The following INO80 variants were observed in gnomAD, a reference collection of about 807,000 sequenced individuals.
INO80 encodes INO80 complex ATPase subunit.
Under a neutral mutation model 203.4 loss-of-function variants are expected in INO80, and 20 were observed. The observed-to-expected ratio is 0.10, with a 90% CI of 0.07 to 0.14. The LOEUF (loss-of-function observed/expected upper bound fraction) is 0.14, where lower values mean the gene tolerates loss of function less well. Among genes scored for constraint, INO80 ranks in the 10% least tolerant of loss-of-function variants. The pLI is 1.00. For synonymous variants in INO80, 726 were observed against 685.2 expected, an observed-to-expected ratio of 1.06 and a Z score of -0.93; for missense variants, 1,419 against 1,914.4, an observed-to-expected ratio of 0.74 and a Z score of 4.83.
chr15:41,020,046 C>G (rs1184148221), intron 26 of INO80, among the ~76,000 whole-genome samples: 1 of 152,048 alleles, frequency 6.6e-6, no homozygotes. Flanking sequence ...ATAGTGAAAC[C>G]CCATGTCTAC....
chr15:41,101,694 C>G (rs950998763), intron 1 of INO80, among the ~76,000 whole-genome samples: 2 of 151,016 alleles, frequency 1.3e-5, no homozygotes, highest in Non-Finnish European at 3.0e-5. Context: ...GGACTGCAGG[C>G]GCCCGCCACA....
Position 41,071,965 on chromosome 15 carries a change from G to A in INO80, c.1489C>T (p.Leu497=), listed in dbSNP as rs761673682. The A allele has an allele frequency of 6.2e-7, 1 of 1,613,780 alleles. No homozygotes were observed. Among genetic ancestry groups the A allele is most frequent in the African/African-American group, 1.3e-5 (1 of 74,952 alleles). ...SGTGFGESYS[L]ANPSIRAGED... Reference sequence around the variant, plus strand: ...CCAGCCCGGATAGATGGGTTAGCCAGGCTATAACTCTCCCCAAACCCAGTG... The same window carrying A: ...CCAGCCCGGATAGATGGGTTAGCCAAGCTATAACTCTCCCCAAACCCAGTG... Residue 497 remains leucine (L), a synonymous_variant, in exon 12 of 36, where the codon CTG becomes TTG. Coordinates refer to ENST00000648947, the MANE Select transcript of INO80 (RefSeq NM_017553.3).
intron 1 of INO80, among the ~76,000 whole-genome samples, chr15:41,100,143 C>T (rs927494910): frequency 1.3e-5 from 2 of 151,968 alleles, no homozygotes; most frequent in Non-Finnish European, 2.9e-5. Context: ...GGCCCAATCT[C>T]GGCTCACTGC....
chr15:41,114,230 A>G (rs1361082287), intron 1 of INO80, among the ~76,000 whole-genome samples: 2 of 151,364 alleles, frequency 1.3e-5, no homozygotes, highest in African/African-American at 4.9e-5. Context: ...TCACGCCACT[A>G]TACTCCAGCC....
rs144410122 is a variant in INO80, at chr15:41,057,694, G to A, written c.1985+945C>T. ...CACTTGTAATCCCAGCTACTCGGGA[G>A]GCTGAGGCAGGAGAATTGCTTGAAT... is the stretch of plus-strand genomic sequence containing the variant. On this transcript the variant is annotated intron_variant, in intron 16 of 35. Transcript: ENST00000648947. Among the ~76,000 whole-genome samples, 746 of 151,048 alleles carry A rather than the reference G, an allele frequency of 4.9e-3. 35 individuals carry two copies. In the East Asian group the frequency reaches 0.096, roughly 19 times the overall value.
At chr15:41,109,706 T>C (rs2045932204) in intron 1 of INO80, among the ~76,000 whole-genome samples, 1 of 150,998 alleles carries the variant, frequency 6.6e-6, no homozygotes. Context: ...CCGAGGCAGA[T>C]GGATCACCTG....
At chr15:41,030,741 C>T (rs1323410081) in intron 24 of INO80, among the ~76,000 whole-genome samples, 2 of 152,066 alleles carry the variant, frequency 1.3e-5, no homozygotes, top group Non-Finnish European at 2.9e-5. Context: ...GTGGTGTGAT[C>T]TTATCTCACT....
intron 4 of INO80, among the ~76,000 whole-genome samples, chr15:41,095,202 G>A (rs911036630): frequency 1.3e-5 from 2 of 152,122 alleles, no homozygotes; most frequent in South Asian, 2.1e-4. Context: ...TTAGCTGGGC[G>A]TGGTGGCGCA....
At chr15:41,009,838 G>A (rs1051637313) in intron 27 of INO80, among the ~76,000 whole-genome samples, 5 of 152,094 alleles carry the variant, frequency 3.3e-5, no homozygotes, top group African/African-American at 1.2e-4. Flanking sequence ...GGGCTCAAGT[G>A]ATTCTCCTCC....
At chr15:41,091,390 G>C (rs1338624855) in intron 5 of INO80, among the ~76,000 whole-genome samples, 2 of 151,946 alleles carry the variant, frequency 1.3e-5, no homozygotes, top group Non-Finnish European at 2.9e-5. Context: ...AAGTACCAGG[G>C]TACATGTGCA....
intron 33 of INO80, 114 bp downstream of exon 33, chr15:40,984,083 T>C: frequency 7.3e-7 from 1 of 1,374,010 alleles, no homozygotes; most frequent in Non-Finnish European, 1.0e-6. Flanking sequence ...TGCAACCTAC[T>C]TCAACAAGGC....
At chr15:41,069,333 AT>A (rs930281207) in intron 14 of INO80, among the ~76,000 whole-genome samples, 13 of 148,400 alleles carry the variant, frequency 8.8e-5, no homozygotes, top group South Asian at 2.2e-4. Flanking sequence ...TGCCCGGCTA[AT>A]TTTTTTTTTG....
intron 29 of INO80, among the ~76,000 whole-genome samples, chr15:40,996,465 G>A (rs1429242654): frequency 6.6e-6 from 1 of 152,012 alleles, no homozygotes; most frequent in African/African-American, 2.4e-5. Flanking sequence ...GGGACTACAG[G>A]CATGTGTCAC....
chr15:41,040,156 C>T (rs1021404119), intron 24 of INO80, among the ~76,000 whole-genome samples: 8 of 151,564 alleles, frequency 5.3e-5, no homozygotes, highest in African/African-American at 1.7e-4. Context: ...CCAGCCTGGA[C>T]ACAACATAGT....
At chr15:41,028,462 C>T (rs929069128) in intron 24 of INO80, among the ~76,000 whole-genome samples, 1 of 152,192 alleles carries the variant, frequency 6.6e-6, no homozygotes, top group South Asian at 2.1e-4. Flanking sequence ...TTCTTTAAGG[C>T]AGTTTAGCAC....
Position 41,071,448 on chromosome 15 carries a change from CTTTT to C in INO80, c.1605+397_1605+400del, listed in dbSNP as rs747609865. On this transcript the variant is annotated intron_variant, in intron 12 of 35. Transcript: ENST00000648947. ...TAAAACATGATCTTGTACTCATTTCCTTTTTTTTTTTTTTTTTTTTTTTGAGATA... is the reference window on the plus strand; with the variant it reads ...TAAAACATGATCTTGTACTCATTTCCTTTTTTTTTTTTTTTTTTTGAGATA... Among the ~76,000 whole-genome samples, 21 of 87,046 alleles carry C rather than the reference CTTTT, an allele frequency of 2.4e-4. 1 individual carries two copies. Among genetic ancestry groups the C allele is most frequent in the Admixed American group, 8.1e-4 (6 of 7,434 alleles). 57.1% of individuals were successfully genotyped at this position (87,046 alleles called of 152,430 possible). A position where few individuals can be genotyped will look rare whatever the true frequency, so the allele number is the denominator to read the frequency against.
chr15:41,064,853 T>C (rs487779), intron 14 of INO80, among the ~76,000 whole-genome samples: 18,072 of 151,934 alleles, frequency 0.12, 3,200 homozygotes, highest in African/African-American at 0.39. Flanking sequence ...AGAAATTCAC[T>C]GGGCATGGTG....
intron 24 of INO80, among the ~76,000 whole-genome samples, chr15:41,031,353 T>C (rs2044459325): frequency 2.0e-5 from 3 of 150,868 alleles, no homozygotes; most frequent in African/African-American, 4.9e-5. Flanking sequence ...AAAAGAAAGT[T>C]TGTTCATTAC....
intron 24 of INO80, among the ~76,000 whole-genome samples, chr15:41,028,695 A>T (rs375071456): frequency 6.6e-6 from 1 of 152,200 alleles, no homozygotes; most frequent in Non-Finnish European, 1.5e-5. Context: ...TGTCTCTACT[A>T]AAAATACAGA....
Sources: gnomAD v4.1 joint callset for allele counts (sites outside exome capture counted in the v4.1 genomes callset) on GRCh38, gnomAD v4.1.1 for gene constraint, MANE v1.5 for transcripts, NCBI Gene and HGNC (gene_info 2026-07-23, HGNC 2026-07-21) for gene names.